CHRNA9: variants seen among roughly 807,000 people sequenced by gnomAD.
The protein encoded by CHRNA9 is cholinergic receptor nicotinic alpha 9 subunit, also known as neuronal acetylcholine receptor subunit alpha-9.
CHRNA9 carries 24 observed loss-of-function variants against 36.8 expected under a neutral mutation model. The ratio of observed to expected loss-of-function variants is 0.65; its 90% CI spans 0.47 to 0.92. The LOEUF (loss-of-function observed/expected upper bound fraction) is 0.92, where lower values mean the gene tolerates loss of function less well. Among genes scored for constraint, CHRNA9 ranks in the 40% least tolerant of loss-of-function variants. The probability of loss-of-function intolerance (pLI) is 0.00; values close to 1 mark genes in which losing one functional copy is unlikely to be tolerated. For synonymous variants in CHRNA9, 231 were observed against 231.8 expected, an observed-to-expected ratio of 1.00 and a Z score of 0.03; for missense variants, 610 against 601.2, an observed-to-expected ratio of 1.01 and a Z score of -0.15.
rs188025898 is a variant in CHRNA9 at position 40,342,999 on chromosome 4, A to G, written c.365+5635A>G. Among the ~76,000 whole-genome samples, 150 of 152,258 alleles carry G rather than the reference A, an allele frequency of 9.9e-4. 1 individual carries two copies. The highest frequency in any genetic ancestry group is 9.3e-3 in the Admixed American group (142 of 15,284). Reference sequence around the variant, plus strand: ...TATGTGAAAGAGACATTGGAGATGGAACGAGGAAGGGATCCTGGGACTGAG... The same window carrying G: ...TATGTGAAAGAGACATTGGAGATGGGACGAGGAAGGGATCCTGGGACTGAG... On this transcript the variant is annotated intron_variant, in intron 3 of 4. Coordinates refer to ENST00000310169, the MANE Select transcript of CHRNA9 (RefSeq NM_017581.4).
intron 3 of CHRNA9, among the ~76,000 whole-genome samples, chr4:40,345,930 C>A: frequency 6.6e-6 from 1 of 152,188 alleles, no homozygotes; most frequent in East Asian, 1.9e-4. Flanking sequence ...GAGGCTAAGG[C>A]AGGAGAATTG....
Position 40,354,075 on chromosome 4 carries a change from C to T in CHRNA9, c.995C>T (p.Pro332Leu), listed in dbSNP as rs558616406. 63 of 1,614,166 alleles carry T rather than the reference C, an allele frequency of 3.9e-5. No individual in the cohort carries two copies. The highest frequency in any genetic ancestry group is 5.5e-5 in the South Asian group (5 of 91,084). The change falls in exon 5 of 5, where the codon CCG becomes CTG. Residue 332 changes from proline (P) to leucine (L), a missense_variant. Pro to Leu is a moderately conservative substitution (Grantham distance 98). Transcript: ENST00000310169. Reference sequence around the variant, plus strand: ...CACTTCTGTGGGGCCGAGGCCCGGCCGGTGCCACACTGGGCCAGGGTGGTC... The same window carrying T: ...CACTTCTGTGGGGCCGAGGCCCGGCTGGTGCCACACTGGGCCAGGGTGGTC... ...NIHFCGAEAR[P>L]VPHWARVVIL...
At chr4:40,343,611 G>A (rs1157016688) in intron 3 of CHRNA9, among the ~76,000 whole-genome samples, 1 of 152,228 alleles carries the variant, frequency 6.6e-6, no homozygotes, top group Non-Finnish European at 1.5e-5. Flanking sequence ...ACTGCCTGAA[G>A]GCCACTGAGT....
At chr4:40,336,769 C>T (rs148020566) in intron 2 of CHRNA9, among the ~76,000 whole-genome samples, 2 of 152,196 alleles carry the variant, frequency 1.3e-5, no homozygotes, top group African/African-American at 2.4e-5. Flanking sequence ...CATGAGCCAC[C>T]GCGCCCGGCC....
chr4:40,339,065 G>T (rs1712414163), intron 3 of CHRNA9, among the ~76,000 whole-genome samples: 2 of 151,912 alleles, frequency 1.3e-5, no homozygotes, highest in African/African-American at 4.8e-5. Context: ...ATCGCCTGAG[G>T]TCAGGAGTTC....
At chr4:40,337,672 G>A (rs943169275) in intron 3 of CHRNA9, among the ~76,000 whole-genome samples, 4 of 152,160 alleles carry the variant, frequency 2.6e-5, no homozygotes, top group African/African-American at 9.7e-5. Flanking sequence ...TAACAAAAAT[G>A]TGTTATCTCA....
rs79776147 is a variant in CHRNA9 at position 40,343,773 on chromosome 4, G to A, written c.366-5109G>A. On this transcript the variant is annotated intron_variant, in intron 3 of 4. Coordinates refer to ENST00000310169, the MANE Select transcript of CHRNA9 (RefSeq NM_017581.4). ...ACAAGAAAACACAGTTAGAAACAGA[G>A]GGAAGGGGAAGAAATTAATACATAT... 7.2e-5 allele frequency among the ~76,000 whole-genome samples: 11 copies of A among 152,326 alleles called. No homozygotes were observed. In the East Asian group the frequency reaches 2.1e-3, roughly 29 times the overall value.
intron 3 of CHRNA9, among the ~76,000 whole-genome samples, chr4:40,338,589 G>C (rs1344723259): frequency 1.3e-5 from 2 of 152,090 alleles, no homozygotes; most frequent in East Asian, 3.9e-4. Context: ...GCTTCCAGTG[G>C]GCATGGATTT....
intron 4 of CHRNA9, among the ~76,000 whole-genome samples, chr4:40,350,601 C>T (rs1450321005): frequency 6.6e-6 from 1 of 152,054 alleles, no homozygotes; most frequent in Non-Finnish European, 1.5e-5. Flanking sequence ...CCCTTTTACT[C>T]TTTACTGAGT....
intron 1 of CHRNA9, 146 bp downstream of exon 1, chr4:40,335,677 G>A (rs967174342): frequency 1.0e-6 from 1 of 990,656 alleles, no homozygotes. Context: ...TCTTGGTAGG[G>A]CATGCCAGAA....
At chr4:40,344,969 T>G (rs530159119) in intron 3 of CHRNA9, among the ~76,000 whole-genome samples, 1 of 152,176 alleles carries the variant, frequency 6.6e-6, no homozygotes. Flanking sequence ...TACTGCTACA[T>G]GCAGAAAAGG....
chr4:40,349,638 T>C (rs1712740300), intron 4 of CHRNA9: 1 of 529,662 alleles, frequency 1.9e-6, no homozygotes, highest in African/African-American at 1.9e-5. Flanking sequence ...GAAAGAGCAA[T>C]GAAAGACATT....
intron 3 of CHRNA9, among the ~76,000 whole-genome samples, chr4:40,340,023 CT>C (rs1233088436): frequency 9.9e-5 from 15 of 152,102 alleles, no homozygotes; most frequent in African/African-American, 3.6e-4. Flanking sequence ...GGTGGTCCCC[CT>C]CTCCCTCCTG....
At chr4:40,342,037 C>A (rs570251109) in intron 3 of CHRNA9, among the ~76,000 whole-genome samples, 1 of 152,318 alleles carries the variant, frequency 6.6e-6, no homozygotes, top group East Asian at 1.9e-4. Context: ...GCATGAGCCA[C>A]CATGCCTGGC....
In CHRNA9 at chr4:40,354,025, G is replaced by A. The variant is rs776035579; in HGVS notation, c.945G>A (p.Ala315=). 1.5e-5 allele frequency: 24 copies of A among 1,614,002 alleles called. No homozygotes were observed. Among genetic ancestry groups the A allele is most frequent in the South Asian group, 2.2e-5 (2 of 91,068 alleles). Residue 315 remains alanine, a synonymous_variant, in exon 5 of 5, where the codon GCG becomes GCA. Coordinates refer to ENST00000310169, the MANE Select transcript of CHRNA9 (RefSeq NM_017581.4). ...ATMALITAST[A]LTIMVMNIHF... ...TGGCCCTGATCACAGCCTCCACTGC[G>A]TTGACCATCATGGTGATGAATATCC...
chr4:40,343,171 G>A (rs561770522), intron 3 of CHRNA9, among the ~76,000 whole-genome samples: 4 of 152,212 alleles, frequency 2.6e-5, no homozygotes, highest in South Asian at 4.2e-4. Context: ...AGTCATTTTC[G>A]CTCAATTGCA....
Position 40,347,690 on chromosome 4 carries a change from C to T in CHRNA9, c.366-1192C>T, listed in dbSNP as rs572345543. On this transcript the variant is annotated intron_variant, in intron 3 of 4. Transcript: ENST00000310169. ...TCCCCTAATGTTACCTCTTACGTAA[C>T]CATAATATACTTACCAAAATTAATA... 3 of 152,248 alleles carry T rather than the reference C, an allele frequency of 2.0e-5. No homozygotes were observed. In the East Asian group the frequency reaches 5.8e-4, roughly 29 times the overall value. 9.4% of individuals were successfully genotyped at this position (152,248 alleles called of 1,614,324 possible). A position where few individuals can be genotyped will look rare whatever the true frequency, so the allele number is the denominator to read the frequency against.
intron 3 of CHRNA9, among the ~76,000 whole-genome samples, chr4:40,348,490 C>A (rs1395081918): frequency 1.5e-5 from 1 of 68,392 alleles, no homozygotes; most frequent in Admixed American, 1.3e-4. Context: ...TGACCCCAGG[C>A]CTTTATTTTT....
chr4:40,336,313 G>T (rs6828585), intron 2 of CHRNA9, among the ~76,000 whole-genome samples: 1 of 152,018 alleles, frequency 6.6e-6, no homozygotes, highest in East Asian at 1.9e-4. Flanking sequence ...GGGAGGACGG[G>T]GAAAACGGCC....
Sources: allele counts gnomAD v4.1 joint callset (sites outside exome capture counted in the v4.1 genomes callset), GRCh38; gene constraint gnomAD v4.1.1; transcripts MANE v1.5; gene names NCBI Gene and HGNC (gene_info 2026-07-23, HGNC 2026-07-21).